Variants in ZNF831 observed in about 807,000 individuals in gnomAD.
ZNF831 encodes the protein chromosome 20 open reading frame 174.
ZNF831 carries 59 observed loss-of-function variants against 95.8 expected under a neutral mutation model. The observed-to-expected ratio is 0.62, with a 90% CI of 0.50 to 0.77. The LOEUF is 0.77. ZNF831 is among the 30% of genes least tolerant of loss of function. The pLI is 0.00. For synonymous variants in ZNF831, 961 were observed against 925.5 expected, an observed-to-expected ratio of 1.04 and a Z score of -0.70; for missense variants, 2,205 against 2,164.0, an observed-to-expected ratio of 1.02 and a Z score of -0.38.
At chr20:59,168,185 T>C (rs1281755377) in intron 1 of ZNF831, among the ~76,000 whole-genome samples, 4 of 152,232 alleles carry the variant, frequency 2.6e-5, no homozygotes, top group South Asian at 2.1e-4. Context: ...TTAGGGAGAA[T>C]TGACATTTTT....
At position 59,256,271 on chromosome 20, in the gene ZNF831, C is replaced by G. The variant is rs975561657; in HGVS notation, c.*1528C>G. ...ATAGAAAACTTCAATGCCAGACCAG[C>G]TTCCCTGGTTACTTAGCATATATTT... On this transcript the variant is annotated 3_prime_UTR_variant, in exon 6 of 6. Coordinates refer to ENST00000371030, the MANE Select transcript of ZNF831 (RefSeq NM_178457.3). 1 of 152,200 alleles carries G rather than the reference C, an allele frequency of 6.6e-6. No individual in the cohort carries two copies. The highest frequency in any genetic ancestry group is 2.4e-5 in the African/African-American group (1 of 41,438). 9.4% of individuals were successfully genotyped at this position (152,200 alleles called of 1,614,324 possible).
At chr20:59,201,902 A>G (rs192247381) in intron 3 of ZNF831, among the ~76,000 whole-genome samples, 1 of 152,370 alleles carries the variant, frequency 6.6e-6, no homozygotes, top group Admixed American at 6.5e-5. Context: ...TTGATTTTTC[A>G]TACAGGCTCA....
At chr20:59,152,664 C>T (rs1980312962) in intron 2 of ZNF831, among the ~76,000 whole-genome samples, 1 of 151,976 alleles carries the variant, frequency 6.6e-6, no homozygotes, top group Admixed American at 6.6e-5. Context: ...GAGCAGGTGC[C>T]CGAGGCTTCC....
chr20:59,234,156 G>A (rs1986881106), intron 4 of ZNF831, among the ~76,000 whole-genome samples: 1 of 152,232 alleles, frequency 6.6e-6, no homozygotes. Context: ...GCCTCACCTT[G>A]CTGCACATGC....
intron 4 of ZNF831, among the ~76,000 whole-genome samples, chr20:59,229,804 G>GA (rs1986628618): frequency 6.6e-6 from 1 of 152,086 alleles, no homozygotes; most frequent in South Asian, 2.1e-4. Context: ...GTTTCAGGCA[G>GA]GGGGGAAGGA....
At chr20:59,129,406 C>A (rs1203578740) in intron 1 of ZNF831, among the ~76,000 whole-genome samples, 1 of 152,092 alleles carries the variant, frequency 6.6e-6, no homozygotes, top group Non-Finnish European at 1.5e-5. Context: ...GCGGGTGGAT[C>A]ACCTGAGGTC....
rs559009100 is a variant in ZNF831 at position 59,229,023 on chromosome 20, C to T, written c.4027+21967C>T. 3.3e-5 allele frequency among the ~76,000 whole-genome samples: 5 copies of T among 152,300 alleles called. No homozygotes were observed. The South Asian group carries it at 8.3e-4, about 25-fold the overall frequency. ...CTACTCTCTACCTCTGTGAGATCTACTTCTTTAGTCTCACGTGAGTGAGAA... is the reference window on the plus strand; with the variant it reads ...CTACTCTCTACCTCTGTGAGATCTATTTCTTTAGTCTCACGTGAGTGAGAA... On this transcript the variant is annotated intron_variant, in intron 4 of 5. Coordinates refer to ENST00000371030, the MANE Select transcript of ZNF831 (RefSeq NM_178457.3).
At chr20:59,223,507 G>A (rs1001801751) in intron 4 of ZNF831, among the ~76,000 whole-genome samples, 12 of 152,214 alleles carry the variant, frequency 7.9e-5, no homozygotes, top group Non-Finnish European at 1.6e-4. Flanking sequence ...AGAGGCAGCG[G>A]TGCTCCAGCG....
At chr20:59,202,788 T>A (rs1193316591) in intron 3 of ZNF831, among the ~76,000 whole-genome samples, 1 of 152,212 alleles carries the variant, frequency 6.6e-6, no homozygotes, top group African/African-American at 2.4e-5. Flanking sequence ...CCTCATCTGG[T>A]TTGGCAGATT....
In ZNF831 at chr20:59,254,845, C is replaced by T; in HGVS notation, c.*102C>T. The T allele has an allele frequency of 6.9e-7, 1 of 1,456,744 alleles. No individual in the cohort carries two copies. The highest frequency in any genetic ancestry group is 2.3e-5 in the Admixed American group (1 of 43,222). 90.2% of individuals were successfully genotyped at this position (1,456,744 alleles called of 1,614,324 possible). On this transcript the variant is annotated 3_prime_UTR_variant, in exon 6 of 6. Transcript: ENST00000371030. The surrounding 1 kb of genome is among the most constrained non-coding windows in gnomAD (Gnocchi z 4.5). ...GAACTAAACTCTATCTGTGAAACAC[C>T]TACAGATTAGGAAAGCCATTTTGAG...
At chr20:59,142,877 T>C (rs897978259) in intron 1 of ZNF831, among the ~76,000 whole-genome samples, 2 of 152,210 alleles carry the variant, frequency 1.3e-5, no homozygotes, top group Non-Finnish European at 2.9e-5. Flanking sequence ...ATGAACTCCT[T>C]GAAGTCAGGG....
In ZNF831 at chr20:59,208,486, C is replaced by A. The variant is rs78480051; in HGVS notation, c.4027+1430C>A. 3.1e-3 allele frequency among the ~76,000 whole-genome samples: 477 copies of A among 152,248 alleles called. 1 individual carries two copies. Among genetic ancestry groups the A allele is most frequent in the African/African-American group, 0.011 (463 of 41,560 alleles). ...CTCCAGGTGCCCTGTGGATGCCCCTCGTCTCTCCTTAAGAGTTTTCCAATG... is the reference window on the plus strand; with the variant it reads ...CTCCAGGTGCCCTGTGGATGCCCCTAGTCTCTCCTTAAGAGTTTTCCAATG... On this transcript the variant is annotated intron_variant, in intron 4 of 5. Coordinates refer to ENST00000371030, the MANE Select transcript of ZNF831 (RefSeq NM_178457.3). This position sits in a 1 kb window ranked among gnomAD's most constrained non-coding sequence, Gnocchi z 4.2.
chr20:59,223,355 G>A (rs1430134276), intron 4 of ZNF831, among the ~76,000 whole-genome samples: 1 of 152,148 alleles, frequency 6.6e-6, no homozygotes, highest in Non-Finnish European at 1.5e-5. Context: ...TGTGTGCGAT[G>A]GTTCCTTCCT....
chr20:59,165,399 C>G (rs1350092582), intron 1 of ZNF831, among the ~76,000 whole-genome samples: 3 of 152,186 alleles, frequency 2.0e-5, no homozygotes, highest in Admixed American at 2.0e-4. Context: ...CAAATCACAT[C>G]TATGGTTTTA....
chr20:59,163,174 T>C (rs1327140259), upstream of ZNF831, among the ~76,000 whole-genome samples: 1 of 152,140 alleles, frequency 6.6e-6, no homozygotes, highest in East Asian at 1.9e-4. Flanking sequence ...AAGTCATTCA[T>C]TGGGTCTAGG....
intron 4 of ZNF831, among the ~76,000 whole-genome samples, chr20:59,233,625 CT>C (rs1375186313): frequency 6.6e-6 from 1 of 152,214 alleles, no homozygotes. Context: ...GCCATCCAAC[CT>C]CTTCTCCATC....
chr20:59,243,197 T>C (rs982731893), intron 4 of ZNF831, among the ~76,000 whole-genome samples: 2 of 152,180 alleles, frequency 1.3e-5, no homozygotes, highest in Admixed American at 6.5e-5. Context: ...AGGTTTTAAG[T>C]GATTGAAATA....
intron 1 of ZNF831, among the ~76,000 whole-genome samples, chr20:59,167,042 C>T (rs1483074986): frequency 2.0e-5 from 3 of 152,206 alleles, no homozygotes; most frequent in Admixed American, 6.5e-5. Flanking sequence ...ACATCCACAC[C>T]GAAATGGATC....
chr20:59,184,222 T>G (rs541431328), intron 1 of ZNF831, among the ~76,000 whole-genome samples: 24 of 152,340 alleles, frequency 1.6e-4, no homozygotes, highest in African/African-American at 4.6e-4. Flanking sequence ...CTAGCTTATT[T>G]CTTTTTATCG....
Sources: allele counts gnomAD v4.1 joint callset (sites outside exome capture counted in the v4.1 genomes callset), GRCh38; gene constraint gnomAD v4.1.1; non-coding constraint Gnocchi (gnomAD v3.1); transcripts MANE v1.5; gene names NCBI Gene and HGNC (gene_info 2026-07-23, HGNC 2026-07-21).